GRIN3A: variants seen among roughly 807,000 people sequenced by gnomAD.
The protein encoded by GRIN3A is glutamate ionotropic receptor NMDA type subunit 3A, also known as glutamate receptor ionotropic, NMDA 3A.
In GRIN3A, 47 loss-of-function variants were observed where a neutral mutation model predicts 92.4. The observed-to-expected ratio is 0.51, with a 90% CI of 0.40 to 0.65. GRIN3A has a LOEUF of 0.65. Ranked by LOEUF, GRIN3A falls within the 30% of genes least tolerant of loss-of-function variation. The pLI, the probability that GRIN3A is intolerant of heterozygous loss-of-function variation, is 0.00. For missense variants in GRIN3A, 1,324 were observed against 1,393.1 expected, an observed-to-expected ratio of 0.95 and a Z score of 0.79; for synonymous variants, 527 against 540.6, an observed-to-expected ratio of 0.97 and a Z score of 0.35.
Position 101,737,281 on chromosome 9 carries a change from C to T in GRIN3A, c.699G>A (p.Gln233=). 1 of 1,613,962 alleles carries T rather than the reference C, an allele frequency of 6.2e-7. No individual in the cohort carries two copies. Among genetic ancestry groups the T allele is most frequent in the South Asian group, 1.1e-5 (1 of 91,088 alleles). ...IVRHEFPRES[Q]NPLHLQLSLE... ...ACTCCACGCACCAGGCTCCTCTCAC[C>T]TGACTCTCCCGTGGAAACTCGTGGC... The change falls in exon 1 of 9, where the codon CAG becomes CAA. Residue 233 remains glutamine (Q), a splice_region_variant and synonymous_variant. Transcript: ENST00000361820.
chr9:101,688,858 ACT>A (rs1307820379), intron 1 of GRIN3A, among the ~76,000 whole-genome samples: 13 of 152,124 alleles, frequency 8.5e-5, no homozygotes, highest in African/African-American at 3.1e-4. Context: ...ACACAGTGAG[ACT>A]CTGTCTCAAA....
chr9:101,598,560 T>C (rs1269682657), intron 6 of GRIN3A, among the ~76,000 whole-genome samples: 5 of 152,114 alleles, frequency 3.3e-5, no homozygotes, highest in African/African-American at 1.2e-4. Context: ...ATATGAAAAA[T>C]GGGGCTAATA....
chr9:101,677,671 T>G (rs890186827), intron 2 of GRIN3A, among the ~76,000 whole-genome samples: 13 of 152,136 alleles, frequency 8.5e-5, no homozygotes, highest in African/African-American at 3.1e-4. Context: ...TTTCATTTTG[T>G]GGCTTGTTTC....
At chr9:101,688,495 C>T (rs1000478176) in intron 1 of GRIN3A, among the ~76,000 whole-genome samples, 7 of 152,030 alleles carry the variant, frequency 4.6e-5, no homozygotes, top group Admixed American at 1.3e-4. Flanking sequence ...AAAAACAGAG[C>T]GTTGGAAAAA....
chr9:101,691,666 A>C (rs922247981), intron 1 of GRIN3A, among the ~76,000 whole-genome samples: 1 of 152,154 alleles, frequency 6.6e-6, no homozygotes, highest in Non-Finnish European at 1.5e-5. Flanking sequence ...ATCTGCTTCT[A>C]TATTTCCTGT....
At chr9:101,673,745 T>C (rs955424528) in intron 2 of GRIN3A, among the ~76,000 whole-genome samples, 3 of 152,144 alleles carry the variant, frequency 2.0e-5, no homozygotes, top group African/African-American at 7.2e-5. Context: ...ATAGTTTTAC[T>C]GGCACCATAA....
chr9:101,692,874 A>G (rs1280629677), intron 1 of GRIN3A, among the ~76,000 whole-genome samples: 2 of 152,178 alleles, frequency 1.3e-5, no homozygotes, highest in African/African-American at 4.8e-5. Context: ...TTATGGTTAC[A>G]TTAAGGACAC....
intron 3 of GRIN3A, among the ~76,000 whole-genome samples, chr9:101,651,206 T>A (rs184127505): frequency 3.2e-4 from 48 of 152,110 alleles, no homozygotes; most frequent in African/African-American, 1.1e-3. Flanking sequence ...TTAGTTAGGG[T>A]CCTTGGGTCA....
intron 1 of GRIN3A, among the ~76,000 whole-genome samples, chr9:101,728,947 A>G (rs959163117): frequency 2.0e-5 from 3 of 152,156 alleles, no homozygotes; most frequent in Non-Finnish European, 4.4e-5. Context: ...TGTAAGCCAT[A>G]TTGTTACTGT....
chr9:101,600,880 A>C (rs1292413831), intron 6 of GRIN3A: 1 of 152,232 alleles, frequency 6.6e-6, no homozygotes, highest in Non-Finnish European at 1.5e-5. Flanking sequence ...TTATTCAATC[A>C]TGTTTTAACA....
At chr9:101,601,920 A>G in intron 6 of GRIN3A, among the ~76,000 whole-genome samples, 1 of 152,182 alleles carries the variant, frequency 6.6e-6, no homozygotes, top group East Asian at 1.9e-4. Flanking sequence ...ATTGAGAATT[A>G]GGACCTCAGA....
At chr9:101,680,533 G>A (rs373869885) in intron 2 of GRIN3A, among the ~76,000 whole-genome samples, 2 of 152,080 alleles carry the variant, frequency 1.3e-5, no homozygotes, top group African/African-American at 4.8e-5. Context: ...CATAATTCAG[G>A]GTCAACTGAG....
At chr9:101,724,280 C>G (rs535380064) in intron 1 of GRIN3A, among the ~76,000 whole-genome samples, 2 of 152,190 alleles carry the variant, frequency 1.3e-5, no homozygotes, top group South Asian at 2.1e-4. Flanking sequence ...AGCTAAGGCC[C>G]GGCGAGAAAT....
chr9:101,576,339 G>A (rs897331581), intron 8 of GRIN3A, among the ~76,000 whole-genome samples: 1 of 152,280 alleles, frequency 6.6e-6, no homozygotes, highest in East Asian at 1.9e-4. Context: ...CTAATGTTGG[G>A]TTGTATAGAG....
In GRIN3A at chr9:101,572,106, A is replaced by T. The variant is rs559867186; in HGVS notation, c.*1068T>A. The T allele has an allele frequency of 6.6e-6, 1 of 152,332 alleles. No homozygotes were observed. The highest frequency in any genetic ancestry group is 2.1e-4 in the South Asian group (1 of 4,826). The allele number at this position is 152,332 out of a possible 1,614,324, so 9.4% of individuals were successfully genotyped here. Reference sequence around the variant, plus strand: ...GGATGGGGGATTGACTTGATTTTCTATACAGATATGCAAAGTGCAGGGCAG... The same window carrying T: ...GGATGGGGGATTGACTTGATTTTCTTTACAGATATGCAAAGTGCAGGGCAG... On this transcript the variant is annotated 3_prime_UTR_variant, in exon 9 of 9. Coordinates refer to ENST00000361820, the MANE Select transcript of GRIN3A (RefSeq NM_133445.3).
chr9:101,678,557 G>A (rs1047649444), intron 2 of GRIN3A, among the ~76,000 whole-genome samples: 4 of 152,064 alleles, frequency 2.6e-5, no homozygotes, highest in African/African-American at 9.7e-5. Flanking sequence ...AAACATATAT[G>A]TACACATATA....
intron 5 of GRIN3A, 36 bp from the exon 6 acceptor site, chr9:101,613,563 A>C: frequency 6.2e-7 from 1 of 1,606,872 alleles, no homozygotes; most frequent in Non-Finnish European, 8.5e-7. Context: ...AGTTTTTTAC[A>C]CCCTTCCTGA....
intron 3 of GRIN3A, among the ~76,000 whole-genome samples, chr9:101,652,396 A>G (rs1186982683): frequency 2.0e-5 from 3 of 151,964 alleles, no homozygotes; most frequent in Non-Finnish European, 2.9e-5. Flanking sequence ...ATGACACCCT[A>G]TGAAAGTTAG....
intron 1 of GRIN3A, among the ~76,000 whole-genome samples, chr9:101,735,250 A>G (rs1179246365): frequency 1.3e-5 from 2 of 151,972 alleles, no homozygotes; most frequent in Non-Finnish European, 2.9e-5. Flanking sequence ...CTGAGTTAAT[A>G]TAATAATCTC....
Sources: allele counts gnomAD v4.1 joint callset (sites outside exome capture counted in the v4.1 genomes callset), GRCh38; gene constraint gnomAD v4.1.1; transcripts MANE v1.5; gene names NCBI Gene and HGNC (gene_info 2026-07-23, HGNC 2026-07-21).